Variants in CEP63 observed in about 807,000 individuals in gnomAD.
CEP63 encodes the protein centrosomal protein of 63 kDa.
Under a neutral mutation model 89.1 loss-of-function variants are expected in CEP63, and 84 were observed. That is an observed-to-expected ratio of 0.94 (90% CI 0.79 to 1.13). The LOEUF is 1.13. Among genes scored for constraint, CEP63 ranks in the 50% most tolerant of loss-of-function variants. The pLI, the probability that CEP63 is intolerant of heterozygous loss-of-function variation, is 0.00. For missense variants in CEP63, 838 were observed against 813.3 expected, an observed-to-expected ratio of 1.03 and a Z score of -0.37; for synonymous variants, 267 against 272.5, an observed-to-expected ratio of 0.98 and a Z score of 0.20.
At chr3:134,587,507 C>T (rs942726286) in exon 11 of CEP63, among the ~76,000 whole-genome samples, 1 of 152,146 alleles carries the variant, frequency 6.6e-6, no homozygotes, top group African/African-American at 2.4e-5. Context: ...CGCTGTTTGC[C>T]TGGGTATCAC....
chr3:134,688,172 T>C, the CEP63 span, among the ~76,000 whole-genome samples: 2 of 152,214 alleles, frequency 1.3e-5, no homozygotes, highest in Non-Finnish European at 2.9e-5. Context: ...CAAATGCCCG[T>C]CACCTGGTGA....
At chr3:134,681,486 T>C in the CEP63 span, among the ~76,000 whole-genome samples, 1 of 152,200 alleles carries the variant, frequency 6.6e-6, no homozygotes, top group South Asian at 2.1e-4. Context: ...CATGTTGACC[T>C]AGCATGTTAA....
At chr3:134,519,336 G>A (rs1490117886) in intron 3 of CEP63, among the ~76,000 whole-genome samples, 3 of 151,194 alleles carry the variant, frequency 2.0e-5, no homozygotes, top group Non-Finnish European at 4.4e-5. Context: ...GTTTCACCAT[G>A]TTGGTCAGGC....
the CEP63 span, among the ~76,000 whole-genome samples, chr3:134,723,238 C>G: frequency 3.9e-5 from 6 of 152,286 alleles, no homozygotes; most frequent in South Asian, 4.1e-4. Flanking sequence ...TCACCCTTGA[C>G]TTTGAAATTG....
the CEP63 span, among the ~76,000 whole-genome samples, chr3:134,753,470 A>G: frequency 6.6e-6 from 1 of 152,084 alleles, no homozygotes; most frequent in Admixed American, 6.5e-5. Context: ...TGAGCTAAGG[A>G]CCCTTGGTCT....
chr3:134,666,267 TC>T, the CEP63 span, among the ~76,000 whole-genome samples: 3 of 152,156 alleles, frequency 2.0e-5, no homozygotes, highest in African/African-American at 7.2e-5. Context: ...ACAGTGGTTT[TC>T]AGACCTTAGT....
At chr3:134,633,499 A>G in the CEP63 span, among the ~76,000 whole-genome samples, 4 of 152,148 alleles carry the variant, frequency 2.6e-5, no homozygotes, top group Admixed American at 2.0e-4. Context: ...AAGAAGACAA[A>G]CTACTAGGAT....
chr3:134,666,297 C>CG, the CEP63 span, among the ~76,000 whole-genome samples: 1 of 152,302 alleles, frequency 6.6e-6, no homozygotes. Flanking sequence ...GACTCACCTG[C>CG]GGGGCATGTG....
chr3:134,649,942 G>A, the CEP63 span, among the ~76,000 whole-genome samples: 2 of 152,198 alleles, frequency 1.3e-5, no homozygotes, highest in Admixed American at 6.5e-5. Flanking sequence ...GGGCTGTCAG[G>A]CCTAACTCCT....
intron 3 of CEP63, among the ~76,000 whole-genome samples, chr3:134,516,270 A>C (rs941077482): frequency 3.9e-5 from 6 of 152,232 alleles, no homozygotes; most frequent in African/African-American, 1.4e-4. Context: ...TAAACATCTC[A>C]GTGCCTTAAA....
At chr3:134,765,783 G>A in the CEP63 span, among the ~76,000 whole-genome samples, 2 of 152,276 alleles carry the variant, frequency 1.3e-5, no homozygotes, top group African/African-American at 2.4e-5. Flanking sequence ...GTTGTCCTTT[G>A]GCCAGCAGCA....
chr3:134,509,026 C>T (rs1944210102), intron 3 of CEP63, among the ~76,000 whole-genome samples: 2 of 150,736 alleles, frequency 1.3e-5, no homozygotes, highest in South Asian at 4.2e-4. Flanking sequence ...AAATTATGAC[C>T]ACCAACAACC....
At chr3:134,511,770 A>G (rs1485360584) in intron 3 of CEP63, among the ~76,000 whole-genome samples, 2 of 152,146 alleles carry the variant, frequency 1.3e-5, no homozygotes, top group Non-Finnish European at 2.9e-5. Context: ...ATGAGAATTC[A>G]CTATCACAAG....
At chr3:134,497,560 A>G (rs1940561551) in intron 2 of CEP63, among the ~76,000 whole-genome samples, 1 of 151,844 alleles carries the variant, frequency 6.6e-6, no homozygotes, top group African/African-American at 2.4e-5. Flanking sequence ...TTAAGAGATG[A>G]GATCTCATTG....
the CEP63 span, chr3:134,651,157 C>T: frequency 6.9e-7 from 1 of 1,442,478 alleles, no homozygotes; most frequent in Non-Finnish European, 9.1e-7. Context: ...CCTGGGAGGG[C>T]GCTACCCTAA....
At chr3:134,761,677 C>T in the CEP63 span, among the ~76,000 whole-genome samples, 1 of 152,276 alleles carries the variant, frequency 6.6e-6, no homozygotes, top group Non-Finnish European at 1.5e-5. Context: ...GTCCACCTAG[C>T]CCTGGTACAG....
At chr3:134,576,061 C>A (rs1958206435), downstream of CEP63, among the ~76,000 whole-genome samples, 1 of 152,148 alleles carries the variant, frequency 6.6e-6, no homozygotes, top group Non-Finnish European at 1.5e-5. Context: ...CTTAAATTCT[C>A]TCCAGTTTAC....
At position 134,558,311 on chromosome 3, in the gene CEP63, A is replaced by G; in HGVS notation, c.1637A>G (p.His546Arg). 2 of 1,613,702 alleles carry G rather than the reference A, an allele frequency of 1.2e-6. No homozygotes were observed. The highest frequency in any genetic ancestry group is 1.7e-6 in the Non-Finnish European group (2 of 1,179,778). Residue 546 changes from histidine to arginine, a missense_variant, in exon 13 of 15, where the codon CAC (histidine) becomes CGC (arginine). Physicochemically the swap from His to Arg is conservative, Grantham distance 29. Transcript: ENST00000675561. ...AATGACAGGATCTTTAAACCAACAC[A>G]CAGCAGAACAACTGAGTTCAAGAAT... ...KQNDRIFKPT[H>R]SRTTEFKNTE...
chr3:134,531,891 A>G lies in CEP63; in HGVS notation c.269A>G (p.Gln90Arg). The G allele has an allele frequency of 6.2e-7, 1 of 1,613,728 alleles. No individual in the cohort carries two copies. The highest frequency in any genetic ancestry group is 1.1e-5 in the South Asian group (1 of 91,078). Residue 90 changes from glutamine to arginine, a missense_variant, in exon 4 of 15, where the codon CAA (glutamine) becomes CGA (arginine). By Grantham distance (43) the Gln-to-Arg change is conservative. Coordinates refer to ENST00000675561, the MANE Select transcript of CEP63 (RefSeq NM_001353108.3). ...GTAGAAGAACATGAAAAAATCAAGC[A>G]AGAGATGACCATGGAATATAAGCAG... is the stretch of plus-strand genomic sequence containing the variant. ...QQVEEHEKIK[Q>R]EMTMEYKQEL... is the part of the protein sequence containing the mutation.
Sources: gnomAD v4.1 joint callset for allele counts (sites outside exome capture counted in the v4.1 genomes callset) on GRCh38, gnomAD v4.1.1 for gene constraint, MANE v1.5 for transcripts, NCBI Gene and HGNC (gene_info 2026-07-23, HGNC 2026-07-21) for gene names.